SNTG2: variants seen among roughly 807,000 people sequenced by gnomAD.
SNTG2 encodes syntrophin gamma 2, also known as gamma-2-syntrophin.
Under a neutral mutation model 70.9 loss-of-function variants are expected in SNTG2, and 74 were observed. The observed-to-expected ratio is 1.04, with a 90% CI of 0.86 to 1.27. The LOEUF is 1.27. SNTG2 is among the 50% of genes most tolerant of loss of function. SNTG2 has a pLI of 0.00. For missense variants in SNTG2, 717 were observed against 690.7 expected, an observed-to-expected ratio of 1.04 and a Z score of -0.43; for synonymous variants, 278 against 273.8, an observed-to-expected ratio of 1.02 and a Z score of -0.15.
chr2:1,179,420 T>A (rs1338312532), intron 8 of SNTG2, among the ~76,000 whole-genome samples: 1 of 152,072 alleles, frequency 6.6e-6, no homozygotes, highest in Non-Finnish European at 1.5e-5. Context: ...TATACACCAA[T>A]AACAGACAAA....
At chr2:1,148,614 C>T (rs1444662379) in intron 6 of SNTG2, among the ~76,000 whole-genome samples, 1 of 152,152 alleles carries the variant, frequency 6.6e-6, no homozygotes, top group Admixed American at 6.5e-5. Flanking sequence ...AGCCTGAGCT[C>T]CCGGGGCGGG....
chr2:1,283,397 C>T (rs1483395837), intron 14 of SNTG2, among the ~76,000 whole-genome samples: 4 of 152,212 alleles, frequency 2.6e-5, no homozygotes, highest in African/African-American at 7.2e-5. Flanking sequence ...CCCTTGTGCT[C>T]ATCAGCACTG....
intron 12 of SNTG2, among the ~76,000 whole-genome samples, 155 bp from the exon 13 acceptor site, chr2:1,259,215 A>C (rs1352991096): frequency 6.6e-6 from 1 of 152,244 alleles, no homozygotes; most frequent in Non-Finnish European, 1.5e-5. Context: ...CAAAACTCAC[A>C]GCAGTACGTA....
At chr2:1,204,689 G>A (rs966646987) in intron 8 of SNTG2, among the ~76,000 whole-genome samples, 2 of 152,146 alleles carry the variant, frequency 1.3e-5, no homozygotes, top group Non-Finnish European at 2.9e-5. Flanking sequence ...ACAGAATAGC[G>A]ATGTAATTCC....
chr2:1,242,498 C>T (rs1480075170), intron 11 of SNTG2, among the ~76,000 whole-genome samples: 3 of 152,166 alleles, frequency 2.0e-5, no homozygotes, highest in Non-Finnish European at 2.9e-5. Flanking sequence ...ATTTATCATA[C>T]AAACCAGAGC....
In SNTG2 at chr2:1,098,229, G is replaced by A. The variant is rs375122079; in HGVS notation, c.244G>A (p.Gly82Ser). The A allele has an allele frequency of 6.2e-6, 10 of 1,613,902 alleles. No individual in the cohort carries two copies. The highest frequency in any genetic ancestry group is 1.6e-4 in the Middle Eastern group (1 of 6,084). Residue 82 changes from glycine (G) to serine (S), a missense_variant, in exon 3 of 17, where the codon GGC becomes AGC. Transcript: ENST00000308624. The stretch of plus-strand genomic sequence containing the variant: ...TGTTACACTCCGCAGACAGCCAGTT[G>A]GCGGCTTGGGCCTGAGTATAAAGGT... ...RTVTLRRQPV[G>S]GLGLSIKGGS...
At chr2:1,178,007 A>G (rs533181806) in intron 8 of SNTG2, among the ~76,000 whole-genome samples, 4 of 152,186 alleles carry the variant, frequency 2.6e-5, no homozygotes, top group Non-Finnish European at 5.9e-5. Flanking sequence ...AATATTTTTA[A>G]TTATATGATA....
At chr2:1,121,514 C>T (rs374959591) in intron 4 of SNTG2, among the ~76,000 whole-genome samples, 7 of 152,056 alleles carry the variant, frequency 4.6e-5, no homozygotes, top group Non-Finnish European at 8.8e-5. Context: ...TCCGTTCTCA[C>T]GCTGCTATAA....
chr2:970,186 C>A (rs980213597), intron 1 of SNTG2, among the ~76,000 whole-genome samples: 7 of 152,268 alleles, frequency 4.6e-5, no homozygotes, highest in African/African-American at 1.7e-4. Context: ...TATGTTGAAC[C>A]AACCTTGCAT....
intron 8 of SNTG2, among the ~76,000 whole-genome samples, chr2:1,174,190 C>G (rs1671318530): frequency 6.6e-6 from 1 of 152,156 alleles, no homozygotes; most frequent in African/African-American, 2.4e-5. Flanking sequence ...AGCTTTCCAT[C>G]TGTGCAGTCT....
chr2:1,137,069 C>T (rs1036680831), intron 4 of SNTG2, among the ~76,000 whole-genome samples: 4 of 152,228 alleles, frequency 2.6e-5, no homozygotes, highest in Admixed American at 2.6e-4. Context: ...TCTTCTGTGA[C>T]TGGAAGGCAG....
intron 6 of SNTG2, among the ~76,000 whole-genome samples, chr2:1,144,725 C>G (rs548829842): frequency 6.6e-4 from 100 of 152,310 alleles, no homozygotes; most frequent in South Asian, 5.2e-3. Flanking sequence ...GACTTATTCA[C>G]TACCACAAGA....
intron 12 of SNTG2, among the ~76,000 whole-genome samples, chr2:1,257,748 A>C (rs1437827795): frequency 6.6e-6 from 1 of 152,240 alleles, no homozygotes; most frequent in Non-Finnish European, 1.5e-5. Flanking sequence ...GTCCATCACA[A>C]AGATAAAGCT....
intron 1 of SNTG2, among the ~76,000 whole-genome samples, chr2:982,479 G>T (rs1041142234): frequency 6.6e-6 from 1 of 152,168 alleles, no homozygotes; most frequent in African/African-American, 2.4e-5. Flanking sequence ...AGACTCTGCA[G>T]GTTGCTTTTC....
chr2:1,319,111 G>C (rs1298532244), intron 16 of SNTG2, among the ~76,000 whole-genome samples: 2 of 152,184 alleles, frequency 1.3e-5, no homozygotes, highest in Non-Finnish European at 2.9e-5. Flanking sequence ...TTAGATTCAC[G>C]TGGGACACAG....
chr2:1,199,367 A>T (rs906138274), intron 8 of SNTG2, among the ~76,000 whole-genome samples: 3 of 151,920 alleles, frequency 2.0e-5, no homozygotes, highest in Non-Finnish European at 4.4e-5. Flanking sequence ...TAGGGAAGGG[A>T]TAAACTTCAG....
intron 16 of SNTG2, among the ~76,000 whole-genome samples, chr2:1,337,723 T>C (rs1457600348): frequency 1.3e-5 from 2 of 152,200 alleles, no homozygotes; most frequent in East Asian, 1.9e-4. Context: ...TTTTAATTTA[T>C]CTATGCTTTC....
intron 11 of SNTG2, among the ~76,000 whole-genome samples, chr2:1,246,166 A>G (rs942401542): frequency 6.6e-6 from 1 of 152,246 alleles, no homozygotes; most frequent in African/African-American, 2.4e-5. Context: ...CGTTTAATGC[A>G]TCAGGGGATT....
intron 4 of SNTG2, among the ~76,000 whole-genome samples, chr2:1,128,784 G>A (rs746480704): frequency 9.9e-5 from 15 of 151,968 alleles, no homozygotes; most frequent in Non-Finnish European, 1.8e-4. Context: ...AAATCTTCTC[G>A]TCCAGGGCTG....
Sources: allele counts gnomAD v4.1 joint callset (sites outside exome capture counted in the v4.1 genomes callset), GRCh38; gene constraint gnomAD v4.1.1; transcripts MANE v1.5; gene names NCBI Gene and HGNC (gene_info 2026-07-23, HGNC 2026-07-21).